PURG: variants seen among roughly 807,000 people sequenced by gnomAD.
PURG encodes purine-rich element-binding protein gamma.
Under a neutral mutation model 24.3 loss-of-function variants are expected in PURG, and 3 were observed. The observed-to-expected ratio is 0.12, with a 90% confidence interval of 0.06 to 0.32. The LOEUF (loss-of-function observed/expected upper bound fraction) is 0.32, where lower values mean the gene tolerates loss of function less well. Among genes scored for constraint, PURG ranks in the 10% least tolerant of loss-of-function variants. PURG has a pLI of 1.00. For missense variants in PURG, 371 were observed against 439.1 expected (o/e 0.84, Z 1.39); for synonymous variants, 180 against 173.1 (o/e 1.04, Z -0.31).
intron 1 of PURG, among the ~76,000 whole-genome samples, chr8:31,023,957 T>C (rs1231405233): frequency 1.3e-5 from 2 of 152,114 alleles, no homozygotes; most frequent in African/African-American, 4.8e-5. Flanking sequence ...ATGCAGAATA[T>C]AAAAAATGAT....
chr8:31,015,768 T>C (rs1312984733), intron 1 of PURG, among the ~76,000 whole-genome samples: 1 of 152,190 alleles, frequency 6.6e-6, no homozygotes, highest in Non-Finnish European at 1.5e-5. Flanking sequence ...AAGTGAGCCC[T>C]GGCCGGGTGC....
In PURG at chr8:31,032,155, C is replaced by T; in HGVS notation, c.628G>A (p.Gly210Ser). Residue 210 changes from glycine (G) to serine (S), a missense_variant, in exon 2 of 2, where the codon GGT (glycine) becomes AGT (serine). This residue lies in a region of PURG where 41 missense variants were observed against 29.8 expected (regional missense o/e 1.38). Coordinates refer to ENST00000523392, the MANE Select transcript of PURG (RefSeq NM_001323311.2). This position sits in a 1 kb window ranked among gnomAD's most constrained non-coding sequence, Gnocchi z 5.9. ...TGGCCCAAACTGTGGCCAAAATAAC[C>T]TATCATGCCAGTCCCCCGCATCATG... ...QTMMRGTGMIGYFGHSLGQEQ... is the reference protein window; with the variant it reads ...QTMMRGTGMISYFGHSLGQEQ... The T allele has an allele frequency of 1.2e-6, 2 of 1,614,216 alleles. No individual in the cohort carries two copies. Among genetic ancestry groups the T allele is most frequent in the Non-Finnish European group, 1.7e-6 (2 of 1,180,038 alleles).
intron 1 of PURG, among the ~76,000 whole-genome samples, chr8:31,023,745 C>A (rs2129833215): frequency 6.6e-6 from 1 of 152,218 alleles, no homozygotes. Flanking sequence ...ATACAGTTCA[C>A]AGGTCAGTAT....
At chr8:31,014,313 G>A (rs1342961501) in intron 1 of PURG, among the ~76,000 whole-genome samples, 1 of 152,166 alleles carries the variant, frequency 6.6e-6, no homozygotes, top group South Asian at 2.1e-4. Context: ...TTCCCTATGG[G>A]AGGATCATAA....
chr8:31,025,328 T>A (rs1160168339), intron 1 of PURG, among the ~76,000 whole-genome samples: 1 of 151,972 alleles, frequency 6.6e-6, no homozygotes, highest in Non-Finnish European at 1.5e-5. Context: ...TTATTCAGCA[T>A]GAAAATAAAG....
At position 31,032,515 on chromosome 8, in the gene PURG, C is replaced by T; in HGVS notation, c.268G>A (p.Val90Ile). The change falls in exon 2 of 2, where the codon GTC becomes ATC. Residue 90 changes from valine to isoleucine, a missense_variant. Transcript: ENST00000523392. The surrounding 1 kb of genome is among the most constrained non-coding windows in gnomAD (Gnocchi z 5.9). ...TCCTGCCGGCCTCTCCCTATCCAGA[C>T]TTCGGCTATCTTTAGGAAGCGGCCC... ...SRGRFLKIAEVWIGRGRQDNI... is the reference protein window; with the variant it reads ...SRGRFLKIAEIWIGRGRQDNI... 1 of 1,614,246 alleles carries T rather than the reference C, an allele frequency of 6.2e-7. No homozygotes were observed. The highest frequency in any genetic ancestry group is 8.5e-7 in the Non-Finnish European group (1 of 1,180,048).
At chr8:31,003,823 GA>G in intron 1 of PURG, among the ~76,000 whole-genome samples, 1 of 152,050 alleles carries the variant, frequency 6.6e-6, no homozygotes, top group Non-Finnish European at 1.5e-5. Context: ...GTAAAAGTAA[GA>G]AAGTGGCTAT....
Position 31,032,790 on chromosome 8 carries a change from T to G in PURG, c.-6-2A>C. ...TCGCCTGGCTCTTTCCATCTTCAGCTGCAAGTAACAAACAGACACACGGGA... is the reference window on the plus strand; with the variant it reads ...TCGCCTGGCTCTTTCCATCTTCAGCGGCAAGTAACAAACAGACACACGGGA... On this transcript the variant is annotated splice_acceptor_variant, in intron 1 of 1. Coordinates refer to ENST00000523392, the MANE Select transcript of PURG (RefSeq NM_001323311.2). LOFTEE classifies it low-confidence loss of function (5UTR_SPLICE). The surrounding 1 kb of genome is among the most constrained non-coding windows in gnomAD (Gnocchi z 5.9). 7.1e-7 allele frequency: 1 copy of G among 1,410,880 alleles called. No homozygotes were observed. The highest frequency in any genetic ancestry group is 1.5e-5 in the African/African-American group (1 of 68,256). The allele number at this position is 1,410,880 out of a possible 1,614,324, so 87.4% of individuals were successfully genotyped here.
downstream of PURG, among the ~76,000 whole-genome samples, chr8:31,030,261 A>G (rs1405494802): frequency 6.6e-6 from 1 of 152,022 alleles, no homozygotes; most frequent in Non-Finnish European, 1.5e-5. Flanking sequence ...AATGAGAGTG[A>G]TATTTGGGGG....
intron 1 of PURG, among the ~76,000 whole-genome samples, chr8:31,017,322 T>G (rs1810893172): frequency 6.6e-6 from 1 of 151,998 alleles, no homozygotes; most frequent in Non-Finnish European, 1.5e-5. Flanking sequence ...TTTTAAAAAT[T>G]TTTACATATA....
intron 1 of PURG, among the ~76,000 whole-genome samples, chr8:31,009,055 A>G (rs371733345): frequency 9.9e-5 from 15 of 152,200 alleles, no homozygotes; most frequent in African/African-American, 3.6e-4. Context: ...TATTGATCTG[A>G]CTTTTATATT....
chr8:31,006,034 C>G (rs765267696), intron 1 of PURG, among the ~76,000 whole-genome samples: 1 of 152,046 alleles, frequency 6.6e-6, no homozygotes, highest in Non-Finnish European at 1.5e-5. Flanking sequence ...TTCAAAATCA[C>G]GTTGAATGCC....
At chr8:31,008,469 A>C (rs1316157886) in intron 1 of PURG, among the ~76,000 whole-genome samples, 1 of 151,970 alleles carries the variant, frequency 6.6e-6, no homozygotes, top group East Asian at 1.9e-4. Flanking sequence ...ACGCCTGGTT[A>C]ATTTTTGTAT....
intron 1 of PURG, among the ~76,000 whole-genome samples, chr8:31,017,632 AGAAGT>A (rs1810901368): frequency 6.6e-6 from 1 of 152,190 alleles, no homozygotes; most frequent in Non-Finnish European, 1.5e-5. Context: ...GATGATTAGA[AGAAGT>A]GACAAGAAAA....
At chr8:31,000,545 C>A (rs994474634) in intron 1 of PURG, among the ~76,000 whole-genome samples, 4 of 152,148 alleles carry the variant, frequency 2.6e-5, no homozygotes, top group Non-Finnish European at 5.9e-5. Context: ...TTACGATTCT[C>A]TGTGACAGAT....
intron 1 of PURG, among the ~76,000 whole-genome samples, chr8:31,000,801 T>C (rs537712063): frequency 2.6e-5 from 4 of 152,304 alleles, no homozygotes; most frequent in Non-Finnish European, 5.9e-5. Flanking sequence ...TGAGGGTGTA[T>C]AATGGGATAT....
At chr8:31,012,931 T>C (rs1810790959) in intron 1 of PURG, among the ~76,000 whole-genome samples, 1 of 152,260 alleles carries the variant, frequency 6.6e-6, no homozygotes, top group Non-Finnish European at 1.5e-5. Flanking sequence ...CTGAGTAATG[T>C]AGCATTCACG....
At chr8:30,997,892 T>C (rs1810460053) in intron 1 of PURG, among the ~76,000 whole-genome samples, 1 of 151,794 alleles carries the variant, frequency 6.6e-6, no homozygotes, top group African/African-American at 2.4e-5. Flanking sequence ...AGCACATCCA[T>C]GTTGATGATT....
At chr8:31,024,908 A>G (rs1163683410) in intron 1 of PURG, among the ~76,000 whole-genome samples, 1 of 152,036 alleles carries the variant, frequency 6.6e-6, no homozygotes, top group Admixed American at 6.5e-5. Context: ...CCCTAGGAAA[A>G]TGAAAACCGA....
Sources: gnomAD v4.1 joint callset for allele counts (sites outside exome capture counted in the v4.1 genomes callset) on GRCh38, gnomAD v4.1.1 for gene constraint, gnomAD v4.1.1 regional missense constraint, Gnocchi (gnomAD v3.1) non-coding constraint, MANE v1.5 for transcripts, NCBI Gene and HGNC (gene_info 2026-07-23, HGNC 2026-07-21) for gene names.